The following RHCE variants were observed in gnomAD, a reference collection of about 807,000 sequenced individuals.
RHCE encodes the protein blood group Rh(CE) polypeptide.
RHCE carries 22 observed loss-of-function variants against 43.8 expected under a neutral mutation model. That is an observed-to-expected ratio of 0.50 (90% CI 0.36 to 0.72). The LOEUF is 0.72. RHCE is among the 30% of genes least tolerant of loss of function. The pLI, the probability that RHCE is intolerant of heterozygous loss-of-function variation, is 0.00. For missense variants in RHCE, 385 were observed against 525.4 expected (o/e 0.73, Z 2.61); for synonymous variants, 156 against 210.7 (o/e 0.74, Z 2.25).
In RHCE at chr1:25,385,842, C is replaced by A. The variant is rs1646139476; in HGVS notation, c.942G>T (p.Val314=). ...GAATCCCCAGCACTCGGTTACAACACACCTGTGGACAAGTGTTATTATAAG... is the reference window on the plus strand; with the variant it reads ...GAATCCCCAGCACTCGGTTACAACAAACCTGTGGACAAGTGTTATTATAAG... The part of the protein sequence containing the change: ...ISIGGAKCLP[V]CCNRVLGIHH... The change falls in exon 7 of 10, where the codon GTG becomes GTT. Residue 314 remains valine, a splice_region_variant and synonymous_variant. Transcript: ENST00000294413. 6.2e-7 allele frequency: 1 copy of A among 1,614,132 alleles called. No homozygotes were observed. Among genetic ancestry groups the A allele is most frequent in the Non-Finnish European group, 8.5e-7 (1 of 1,180,030 alleles).
chr1:25,396,473 A>G (rs1252359194), intron 3 of RHCE, among the ~76,000 whole-genome samples: 4 of 152,338 alleles, frequency 2.6e-5, no homozygotes, highest in Non-Finnish European at 5.9e-5. Flanking sequence ...ACACTGCTAT[A>G]AAGATACTTC....
chr1:25,394,290 A>G (rs1245952857), intron 3 of RHCE, among the ~76,000 whole-genome samples: 4 of 146,498 alleles, frequency 2.7e-5, no homozygotes, highest in East Asian at 2.0e-4. Flanking sequence ...CACCCAGCCT[A>G]TTTTTTTTTT....
intron 1 of RHCE, among the ~76,000 whole-genome samples, chr1:25,413,165 A>G (rs1000856056): frequency 1.3e-5 from 2 of 152,088 alleles, no homozygotes; most frequent in Non-Finnish European, 2.9e-5. Flanking sequence ...TGTCCCTGAG[A>G]GAGGAATTGT....
rs374628225 is a variant in RHCE at position 25,390,765 on chromosome 1, T to C, written c.785A>G (p.Gln262Arg). The change falls in exon 5 of 10, where the codon CAA becomes CGA. Residue 262 changes from glutamine to arginine, a missense_variant. Gln to Arg is a conservative substitution (Grantham distance 43). Transcript: ENST00000294413. Reference sequence around the variant, plus strand: ...CCTGCTCACCATGCTGATCTTCCTTTGGGGGTGAGCCAAGGATGACCCTGA... The same window carrying C: ...CCTGCTCACCATGCTGATCTTCCTTCGGGGGTGAGCCAAGGATGACCCTGA... ...AISGSSLAHP[Q>R]RKISMTYVHS... 1.2e-6 allele frequency: 2 copies of C among 1,614,098 alleles called. No individual in the cohort carries two copies. The highest frequency in any genetic ancestry group is 1.7e-6 in the Non-Finnish European group (2 of 1,180,054).
chr1:25,371,529 C>T (rs1488541359), intron 8 of RHCE, among the ~76,000 whole-genome samples: 3 of 151,402 alleles, frequency 2.0e-5, no homozygotes, highest in Admixed American at 6.6e-5. Flanking sequence ...TGCTACCATA[C>T]CCAGCTCATT....
At chr1:25,428,519 C>T (rs1342931322) in intron 2 of RHCE, among the ~76,000 whole-genome samples, 1 of 152,166 alleles carries the variant, frequency 6.6e-6, no homozygotes, top group Non-Finnish European at 1.5e-5. Context: ...CTTGGCCACC[C>T]GGTGCCACTT....
intron 3 of RHCE, 118 bp from the exon 4 acceptor site, chr1:25,392,259 G>C: frequency 1.3e-6 from 2 of 1,552,142 alleles, no homozygotes; most frequent in Non-Finnish European, 1.8e-6. Flanking sequence ...GAAGCCACGA[G>C]ACTGGTGTTC....
intron 9 of RHCE, among the ~76,000 whole-genome samples, chr1:25,368,273 T>TA (rs1412150633): frequency 2.3e-5 from 3 of 130,398 alleles, no homozygotes; most frequent in Non-Finnish European, 4.8e-5. Flanking sequence ...TGCAAGACGT[T>TA]AAGGGCTCCT....
chr1:25,402,206 G>GTCTGTCTATCTATCTA lies in RHCE; in HGVS notation c.486+389_486+390insTAGATAGATAGACAGA, dbSNP rs796249762. Among the ~76,000 whole-genome samples the GTCTGTCTATCTATCTA allele has an allele frequency of 9.6e-4, 125 of 130,466 alleles. 1 individual carries two copies. Among genetic ancestry groups the GTCTGTCTATCTATCTA allele is most frequent in the Middle Eastern group, 4.0e-3 (1 of 252 alleles). The allele number at this position is 130,466 out of a possible 152,430, so 85.6% of individuals were successfully genotyped here. A position where few individuals can be genotyped will look rare whatever the true frequency, so the allele number is the denominator to read the frequency against. ...TGTCTGTCTGTCTGTCTGTCTGTCT[G>GTCTGTCTATCTATCTA]TCTATCTATCTATCTATCTATCTAT... On this transcript the variant is annotated intron_variant, in intron 3 of 9. Coordinates refer to ENST00000294413, the MANE Select transcript of RHCE (RefSeq NM_020485.8).
chr1:25,391,135 A>G (rs1646347832), intron 4 of RHCE, among the ~76,000 whole-genome samples: 2 of 152,026 alleles, frequency 1.3e-5, no homozygotes, highest in Admixed American at 6.6e-5. Flanking sequence ...AAATCTGCAT[A>G]CCCCAGGCCT....
Position 25,390,888 on chromosome 1 carries a change from G to C in RHCE, c.662C>G (p.Pro221Arg), listed in dbSNP as rs1281139377. The change falls in exon 5 of 10, where the codon CCA becomes CGA. Residue 221 changes from proline to arginine, a missense_variant. Transcript: ENST00000294413. ...TCTCAGCAGAGCAGAGTTGACACTT[G>C]GCCAGAACATCCACAAGAAGAGGGC... ...LGALFLWMFW[P>R]SVNSALLRSP... The C allele has an allele frequency of 6.2e-6, 10 of 1,614,080 alleles. No individual in the cohort carries two copies. Among genetic ancestry groups the C allele is most frequent in the Non-Finnish European group, 5.9e-6 (7 of 1,180,038 alleles).
intron 6 of RHCE, among the ~76,000 whole-genome samples, chr1:25,388,547 A>G (rs1222063790): frequency 1.3e-5 from 2 of 151,440 alleles, no homozygotes; most frequent in Non-Finnish European, 2.9e-5. Context: ...AAGAGATTCC[A>G]TCCACCAGGC....
At chr1:25,380,187 A>G (rs921609974) in intron 7 of RHCE, among the ~76,000 whole-genome samples, 5 of 141,546 alleles carry the variant, frequency 3.5e-5, no homozygotes, top group Non-Finnish European at 4.6e-5. Flanking sequence ...TCTAAAAGGA[A>G]AAAGAGGCAA....
intron 2 of RHCE, among the ~76,000 whole-genome samples, chr1:25,427,241 G>A (rs532680084): frequency 1.3e-5 from 2 of 152,150 alleles, no homozygotes. Flanking sequence ...TGTGAAACAG[G>A]GTTTAATGAT....
intron 8 of RHCE, among the ~76,000 whole-genome samples, chr1:25,375,084 CTG>C (rs1282044977): frequency 2.1e-5 from 2 of 93,732 alleles, no homozygotes; most frequent in Non-Finnish European, 2.3e-5. Context: ...CTGTGCAAAA[CTG>C]AGTGTGATCA....
At chr1:25,386,848 C>A (rs1224062324) in intron 6 of RHCE, among the ~76,000 whole-genome samples, 1,148 of 81,592 alleles carry the variant, frequency 0.014, 13 homozygotes, top group African/African-American at 0.034. Context: ...ACAAAACACA[C>A]ACACACACAC....
intron 3 of RHCE, among the ~76,000 whole-genome samples, chr1:25,401,492 A>G (rs1227511615): frequency 6.6e-6 from 1 of 152,046 alleles, no homozygotes; most frequent in African/African-American, 2.4e-5. Context: ...CACCTATGAG[A>G]TGGGAAGGTT....
intron 3 of RHCE, among the ~76,000 whole-genome samples, chr1:25,393,622 T>C (rs1157074882): frequency 1.3e-5 from 2 of 151,538 alleles, no homozygotes; most frequent in Non-Finnish European, 2.9e-5. Context: ...CTGCGTCAAA[T>C]AAATAAATAA....
intron 2 of RHCE, among the ~76,000 whole-genome samples, chr1:25,426,941 C>G (rs1159652778): frequency 6.6e-6 from 1 of 152,062 alleles, no homozygotes; most frequent in African/African-American, 2.4e-5. Context: ...CCTATAGTCT[C>G]AGCTACTCTG....
Sources: gnomAD v4.1 joint callset for allele counts (sites outside exome capture counted in the v4.1 genomes callset) on GRCh38, gnomAD v4.1.1 for gene constraint, MANE v1.5 for transcripts, NCBI Gene and HGNC (gene_info 2026-07-23, HGNC 2026-07-21) for gene names.